Variants in AUTS2 observed in about 807,000 individuals in gnomAD.
AUTS2 encodes autism susceptibility gene 2 protein.
A neutral mutation model predicts 112.4 loss-of-function variants in AUTS2; 17 were observed. The observed-to-expected ratio is 0.15, with a 90% confidence interval of 0.10 to 0.23. The LOEUF (loss-of-function observed/expected upper bound fraction) is 0.23. Among genes scored for constraint, AUTS2 ranks in the 10% least tolerant of loss-of-function variants. The pLI is 1.00. For missense variants in AUTS2, 1,510 were observed against 1,701.6 expected (o/e 0.89, Z 1.98); for synonymous variants, 751 against 702.7 (o/e 1.07, Z -1.09).
chr7:70,077,446 T>C (rs1803089289), intron 2 of AUTS2, among the ~76,000 whole-genome samples: 1 of 152,254 alleles, frequency 6.6e-6, no homozygotes, highest in African/African-American at 2.4e-5. Context: ...ACCTGTCATC[T>C]TTATGTGATT....
intron 2 of AUTS2, among the ~76,000 whole-genome samples, chr7:70,051,860 A>G (rs1241436497): frequency 6.6e-6 from 1 of 152,194 alleles, no homozygotes; most frequent in Non-Finnish European, 1.5e-5. Context: ...TTTAGGAAAA[A>G]GAATTCAGAT....
intron 5 of AUTS2, among the ~76,000 whole-genome samples, chr7:70,554,226 G>A (rs1157350301): frequency 1.3e-5 from 2 of 150,782 alleles, no homozygotes; most frequent in African/African-American, 2.4e-5. Context: ...GTACCACCAC[G>A]CCTGGCTAAT....
chr7:69,622,648 A>G (rs1793731995), intron 1 of AUTS2, among the ~76,000 whole-genome samples: 1 of 152,206 alleles, frequency 6.6e-6, no homozygotes, highest in Non-Finnish European at 1.5e-5. Flanking sequence ...GGCCACAGAT[A>G]ATTTGATTTC....
At position 70,729,266 on chromosome 7, in the gene AUTS2, ACTC is replaced by A. The variant is rs143578000; in HGVS notation, c.742+30650_742+30652del. The A allele has an allele frequency of 2.3e-3, 1,031 of 441,546 alleles. 12 individuals carry two copies. The highest frequency in any genetic ancestry group is 0.018 in the African/African-American group (912 of 49,622). The allele number at this position is 441,546 out of a possible 1,614,324, so 27.4% of individuals were successfully genotyped here. On this transcript the variant is annotated intron_variant, in intron 6 of 18. Transcript: ENST00000342771. ...GCGGACCCCAGTGCTGTTCCCCACT[ACTC>A]CTCTGCCTCTCTCCACTTCCCAGTT...
At chr7:69,670,516 A>T (rs987976301) in intron 1 of AUTS2, among the ~76,000 whole-genome samples, 4 of 141,794 alleles carry the variant, frequency 2.8e-5, no homozygotes, top group African/African-American at 1.1e-4. Context: ...TTCTGTAAAC[A>T]AAACCATTAG....
intron 5 of AUTS2, among the ~76,000 whole-genome samples, chr7:70,521,369 C>T (rs1585250111): frequency 6.6e-6 from 1 of 152,292 alleles, no homozygotes; most frequent in East Asian, 1.9e-4. Context: ...ACCTTTCTGG[C>T]ACTATGACAG....
At chr7:70,539,367 G>A (rs1285063844) in intron 5 of AUTS2, among the ~76,000 whole-genome samples, 1 of 152,200 alleles carries the variant, frequency 6.6e-6, no homozygotes, top group Non-Finnish European at 1.5e-5. Context: ...CCAACAACCA[G>A]GCTGTGAACT....
At chr7:69,874,947 G>A (rs1344963143) in intron 1 of AUTS2, among the ~76,000 whole-genome samples, 1 of 151,612 alleles carries the variant, frequency 6.6e-6, no homozygotes, top group Non-Finnish European at 1.5e-5. Flanking sequence ...TCTGTTTGAT[G>A]TTGGGTATCT....
chr7:69,685,065 G>T (rs563780567), intron 1 of AUTS2, among the ~76,000 whole-genome samples: 4 of 152,270 alleles, frequency 2.6e-5, no homozygotes, highest in Non-Finnish European at 5.9e-5. Context: ...CCGCTTCTGG[G>T]CTGAAAGATA....
At chr7:70,044,781 TA>T (rs1324763934) in intron 2 of AUTS2, among the ~76,000 whole-genome samples, 3 of 152,216 alleles carry the variant, frequency 2.0e-5, no homozygotes, top group African/African-American at 7.2e-5. Flanking sequence ...TTGGGTGATT[TA>T]GACTTTTAAC....
intron 2 of AUTS2, among the ~76,000 whole-genome samples, chr7:70,065,879 A>G (rs764600541): frequency 7.2e-5 from 11 of 152,042 alleles, no homozygotes; most frequent in Non-Finnish European, 1.5e-4. Context: ...CTATTTAATA[A>G]CAGTTTTTTT....
intron 4 of AUTS2, among the ~76,000 whole-genome samples, chr7:70,277,365 C>G (rs1406927889): frequency 6.6e-6 from 1 of 152,138 alleles, no homozygotes; most frequent in East Asian, 1.9e-4. Context: ...CCCAAGAAAC[C>G]TGGCAAGGGA....
At chr7:70,062,882 T>G (rs913959896) in intron 2 of AUTS2, among the ~76,000 whole-genome samples, 1 of 152,224 alleles carries the variant, frequency 6.6e-6, no homozygotes, top group Non-Finnish European at 1.5e-5. Flanking sequence ...TTAGGTCATT[T>G]GTCAAGTGGA....
intron 10 of AUTS2, among the ~76,000 whole-genome samples, chr7:70,770,166 A>C (rs1281106695): frequency 6.6e-6 from 1 of 152,240 alleles, no homozygotes; most frequent in African/African-American, 2.4e-5. Context: ...AAGGGGAATT[A>C]AGATGCAATG....
At chr7:70,520,640 T>C (rs1799604838) in intron 5 of AUTS2, among the ~76,000 whole-genome samples, 1 of 152,236 alleles carries the variant, frequency 6.6e-6, no homozygotes. Flanking sequence ...CGCAGTACTT[T>C]CTGAGATTAT....
chr7:70,721,083 T>TTAA (rs35640413), intron 6 of AUTS2, among the ~76,000 whole-genome samples: 47,929 of 150,298 alleles, frequency 0.32, 8,319 homozygotes, highest in East Asian at 0.68. Flanking sequence ...ATTGAGTTTT[T>TTAA]TAATAATAAT....
At chr7:70,777,491 G>A (rs1394107841) in intron 14 of AUTS2, among the ~76,000 whole-genome samples, 1 of 151,284 alleles carries the variant, frequency 6.6e-6, no homozygotes, top group Non-Finnish European at 1.5e-5. Context: ...ACCATACTTG[G>A]CTAATTTCTT....
intron 2 of AUTS2, among the ~76,000 whole-genome samples, chr7:70,112,485 C>T (rs1033644266): frequency 3.9e-5 from 6 of 151,910 alleles, no homozygotes; most frequent in Admixed American, 6.6e-5. Flanking sequence ...TTAACCTCTG[C>T]GTCCTTTTTC....
chr7:69,893,331 C>G (rs990191120), intron 1 of AUTS2, among the ~76,000 whole-genome samples: 2 of 152,110 alleles, frequency 1.3e-5, no homozygotes, highest in Non-Finnish European at 2.9e-5. Flanking sequence ...ACATATCTAT[C>G]TAGTTACTAG....
Sources: gnomAD v4.1 joint callset for allele counts (sites outside exome capture counted in the v4.1 genomes callset) on GRCh38, gnomAD v4.1.1 for gene constraint, MANE v1.5 for transcripts, NCBI Gene and HGNC (gene_info 2026-07-23, HGNC 2026-07-21) for gene names.